The following DRC8 variants were observed in gnomAD, a reference collection of about 807,000 sequenced individuals.
DRC8 encodes the protein dynein regulatory complex subunit 8.
chr1:245,059,288 G>A, the DRC8 span: 1 of 798,218 alleles, frequency 1.3e-6, no homozygotes, highest in East Asian at 2.7e-5. Context: ...GAGTGATTTG[G>A]TTTCCTACAT....
the DRC8 span, chr1:245,059,277 G>A: frequency 2.4e-5 from 17 of 703,854 alleles, no homozygotes; most frequent in South Asian, 8.4e-5. Flanking sequence ...AGGCAATATC[G>A]GAGTGATTTG....
At chr1:245,085,251 G>T in the DRC8 span, among the ~76,000 whole-genome samples, 3 of 152,178 alleles carry the variant, frequency 2.0e-5, no homozygotes, top group Non-Finnish European at 4.4e-5. Flanking sequence ...GGCCCAGCCT[G>T]GAAAACTTGG....
chr1:245,036,214 A>C, the DRC8 span, among the ~76,000 whole-genome samples: 5 of 152,260 alleles, frequency 3.3e-5, no homozygotes, highest in African/African-American at 9.6e-5. Context: ...AAATGTGGAC[A>C]AAGTATTTGA....
the DRC8 span, among the ~76,000 whole-genome samples, chr1:245,020,252 TTAGA>T: frequency 6.6e-6 from 1 of 152,200 alleles, no homozygotes; most frequent in African/African-American, 2.4e-5. Flanking sequence ...TTGTATTGCA[TTAGA>T]TAAAGGGAAA....
the DRC8 span, among the ~76,000 whole-genome samples, chr1:245,006,084 G>A: frequency 6.6e-6 from 1 of 152,222 alleles, no homozygotes; most frequent in Non-Finnish European, 1.5e-5. Context: ...TTCATAAAGG[G>A]CTTTGTGCGC....
At chr1:245,016,789 A>G in the DRC8 span, among the ~76,000 whole-genome samples, 1 of 152,256 alleles carries the variant, frequency 6.6e-6, no homozygotes, top group African/African-American at 2.4e-5. Context: ...TTCTTCCCCC[A>G]ACTCCACAAG....
the DRC8 span, among the ~76,000 whole-genome samples, chr1:245,051,259 G>A: frequency 6.6e-6 from 1 of 152,218 alleles, no homozygotes; most frequent in South Asian, 2.1e-4. Context: ...GGGCATGATG[G>A]TGTGTACTTG....
chr1:245,047,143 G>T, the DRC8 span, among the ~76,000 whole-genome samples: 2 of 152,208 alleles, frequency 1.3e-5, no homozygotes, highest in Non-Finnish European at 2.9e-5. Flanking sequence ...CTCCAGCAGC[G>T]TGGGGGTTTG....
the DRC8 span, among the ~76,000 whole-genome samples, chr1:245,034,600 C>CAAAAAAAAA: frequency 7.1e-4 from 28 of 39,500 alleles, no homozygotes; most frequent in East Asian, 1.5e-3. Context: ...GACTCCATCT[C>CAAAAAAAAA]AAAAAAAAAA....
At chr1:245,003,041 A>C in the DRC8 span, among the ~76,000 whole-genome samples, 1 of 152,174 alleles carries the variant, frequency 6.6e-6, no homozygotes, top group Non-Finnish European at 1.5e-5. Context: ...GGAGTCATAC[A>C]ATAATTTGTC....
chr1:244,971,317 AC>A, the DRC8 span, among the ~76,000 whole-genome samples: 1 of 152,210 alleles, frequency 6.6e-6, no homozygotes, highest in African/African-American at 2.4e-5. Context: ...CCAGGGGACC[AC>A]CCAGCCCCGC....
the DRC8 span, among the ~76,000 whole-genome samples, chr1:244,972,320 A>G: frequency 4.1e-4 from 62 of 152,322 alleles, 1 homozygote; most frequent in East Asian, 0.011. Flanking sequence ...CTTTGCTTCC[A>G]AGGAAGGTGA....
the DRC8 span, among the ~76,000 whole-genome samples, chr1:244,976,888 C>A: frequency 6.6e-6 from 1 of 152,204 alleles, no homozygotes; most frequent in Non-Finnish European, 1.5e-5. Context: ...GGAAGCAAGC[C>A]AAGTGTCCAT....
the DRC8 span, among the ~76,000 whole-genome samples, chr1:245,114,120 C>A: frequency 6.6e-6 from 1 of 152,206 alleles, no homozygotes; most frequent in Non-Finnish European, 1.5e-5. Context: ...CTGCTACCAA[C>A]TCCCTTACTG....
the DRC8 span, chr1:245,082,267 G>A: frequency 9.6e-7 from 1 of 1,036,578 alleles, no homozygotes; most frequent in African/African-American, 1.6e-5. Context: ...TACTCAAGCA[G>A]TGTGTCCTAA....
the DRC8 span, among the ~76,000 whole-genome samples, chr1:245,121,651 T>C: frequency 6.6e-6 from 1 of 152,328 alleles, no homozygotes; most frequent in East Asian, 1.9e-4. Context: ...AAGGCCGGGC[T>C]GGCCTTCCCT....
the DRC8 span, chr1:244,969,988 A>G: frequency 3.8e-6 from 2 of 531,514 alleles, no homozygotes; most frequent in East Asian, 7.0e-5. Context: ...ATCTGCAGTT[A>G]ACAACAAAAA....
chr1:245,088,289 C>T, the DRC8 span, among the ~76,000 whole-genome samples: 1 of 144,404 alleles, frequency 6.9e-6, no homozygotes, highest in South Asian at 2.2e-4. The surrounding 1 kb of genome is among the most constrained non-coding windows in gnomAD (Gnocchi z 4.6). Context: ...AACAATTTTC[C>T]AAACTTAGAT....
chr1:245,031,763 G>A, the DRC8 span, among the ~76,000 whole-genome samples: 2 of 152,068 alleles, frequency 1.3e-5, no homozygotes, highest in Non-Finnish European at 2.9e-5. Flanking sequence ...TGTCCCAGGC[G>A]GAAGTTGGTT....
Sources: allele counts gnomAD v4.1 joint callset (sites outside exome capture counted in the v4.1 genomes callset), GRCh38; gene constraint gnomAD v4.1.1; non-coding constraint Gnocchi (gnomAD v3.1); transcripts MANE v1.5; gene names NCBI Gene and HGNC (gene_info 2026-07-23, HGNC 2026-07-21).